The following SYT14 variants were observed in gnomAD, a reference collection of about 807,000 sequenced individuals.
SYT14 encodes synaptotagmin 14.
Under a neutral mutation model 74.2 loss-of-function variants are expected in SYT14, and 32 were observed. The ratio of observed to expected loss-of-function variants is 0.43; its 90% confidence interval spans 0.33 to 0.58. The LOEUF (loss-of-function observed/expected upper bound fraction) is 0.58. Ranked by LOEUF, SYT14 falls within the 20% of genes least tolerant of loss-of-function variation. The pLI, the probability that SYT14 is intolerant of heterozygous loss-of-function variation, is 0.05. For missense variants in SYT14, 791 were observed against 981.8 expected (o/e 0.81, Z 2.60); for synonymous variants, 298 against 337.7 (o/e 0.88, Z 1.29).
chr1:210,059,441 T>TAGAGAGAGAGAG (rs1175419124), intron 5 of SYT14, among the ~76,000 whole-genome samples: 34 of 93,060 alleles, frequency 3.7e-4, no homozygotes, highest in East Asian at 8.4e-4. Context: ...TATATATATA[T>TAGAGAGAGAGAG]ATATATATAT....
intron 5 of SYT14, among the ~76,000 whole-genome samples, chr1:210,078,110 A>G (rs1021276722): frequency 1.3e-4 from 20 of 152,016 alleles, no homozygotes; most frequent in Non-Finnish European, 2.5e-4. Flanking sequence ...AGAGATCGAG[A>G]CCATCCTGGC....
At chr1:210,040,162 A>T (rs2080756002) in intron 5 of SYT14, among the ~76,000 whole-genome samples, 1 of 152,226 alleles carries the variant, frequency 6.6e-6, no homozygotes, top group Non-Finnish European at 1.5e-5. Flanking sequence ...AATGTGGCAC[A>T]TATACACCAT....
At chr1:210,160,256 A>C (rs962143342) in intron 9 of SYT14, among the ~76,000 whole-genome samples, 6 of 151,636 alleles carry the variant, frequency 4.0e-5, no homozygotes, top group Admixed American at 3.9e-4. Flanking sequence ...TTTTCTCTTC[A>C]CCATTTGCCT....
At chr1:210,162,954 A>AGTT in exon 10 of SYT14, 1 of 452,172 alleles carries the variant, frequency 2.2e-6, no homozygotes, top group South Asian at 1.6e-5. Context: ...AACAAGTAAG[A>AGTT]GTTAGAACCT....
At chr1:209,970,751 G>A (rs974422483) in intron 2 of SYT14, among the ~76,000 whole-genome samples, 7 of 128,480 alleles carry the variant, frequency 5.4e-5, no homozygotes, top group Non-Finnish European at 7.7e-5. Context: ...GCACAGTCTC[G>A]GCTCACTGCA....
At chr1:210,128,162 C>T (rs780080406) in intron 7 of SYT14, among the ~76,000 whole-genome samples, 18 of 152,236 alleles carry the variant, frequency 1.2e-4, no homozygotes, top group Middle Eastern at 3.4e-3. Context: ...CGCTTGAGGT[C>T]AGAAGTTCGA....
intron 2 of SYT14, among the ~76,000 whole-genome samples, chr1:210,007,797 C>T (rs1261433576): frequency 1.3e-5 from 2 of 152,108 alleles, no homozygotes; most frequent in African/African-American, 4.8e-5. Context: ...CCAGGTTCTA[C>T]CACTTCATAG....
intron 2 of SYT14, among the ~76,000 whole-genome samples, chr1:209,957,706 C>T (rs1367788744): frequency 2.6e-5 from 4 of 151,908 alleles, no homozygotes; most frequent in Non-Finnish European, 4.4e-5. Context: ...GGATTACAGG[C>T]GTGAACCACC....
intron 4 of SYT14, among the ~76,000 whole-genome samples, chr1:210,019,131 C>CA (rs1215149823): frequency 0.13 from 7,483 of 56,158 alleles, 770 homozygotes; most frequent in Middle Eastern, 0.19. Flanking sequence ...TGAGACTCCT[C>CA]AAAAAAAAAA....
At chr1:210,135,764 C>T (rs2082772901) in intron 7 of SYT14, among the ~76,000 whole-genome samples, 1 of 152,116 alleles carries the variant, frequency 6.6e-6, no homozygotes, top group East Asian at 1.9e-4. Context: ...CATTTTGATC[C>T]TTTTGAGGCT....
At chr1:209,986,473 C>T (rs979131990) in intron 2 of SYT14, among the ~76,000 whole-genome samples, 5 of 151,844 alleles carry the variant, frequency 3.3e-5, no homozygotes, top group Non-Finnish European at 7.4e-5. Context: ...ATTAGCCGGG[C>T]GAGGTGGCGG....
Position 210,016,288 on chromosome 1 carries a change from TAGAG to T in SYT14, c.286_289del (p.Arg96GlnfsTer4). On this transcript the variant is annotated frameshift_variant, in exon 4 of 10. Coordinates refer to ENST00000637265, the Ensembl canonical transcript of SYT14. LOFTEE classifies it high-confidence loss of function. The stretch of plus-strand genomic sequence containing the variant: ...AGAAAACACAAGCCAATTTAGAGCA[TAGAG>T]CAAAGCAAATAAATACTTGTAAAAC... The T allele has an allele frequency of 8.1e-7, 1 of 1,232,100 alleles. No individual in the cohort carries two copies. Among genetic ancestry groups the T allele is most frequent in the Non-Finnish European group, 1.0e-6 (1 of 987,942 alleles). 76.3% of individuals were successfully genotyped at this position (1,232,100 alleles called of 1,614,324 possible). A position where few individuals can be genotyped will look rare whatever the true frequency, so the allele number is the denominator to read the frequency against.
intron 7 of SYT14, among the ~76,000 whole-genome samples, chr1:210,122,509 AT>A: frequency 6.6e-6 from 1 of 151,302 alleles, no homozygotes; most frequent in South Asian, 2.1e-4. Flanking sequence ...TTCCATTTAC[AT>A]TTCATTGTCT....
chr1:209,960,467 A>G (rs2079060049), intron 2 of SYT14, among the ~76,000 whole-genome samples: 1 of 152,218 alleles, frequency 6.6e-6, no homozygotes, highest in Admixed American at 6.5e-5. Flanking sequence ...ATTACCTTCC[A>G]TGTTTTTCCT....
chr1:209,956,282 C>CCAAA (rs58649262), intron 2 of SYT14, among the ~76,000 whole-genome samples: 99,498 of 151,564 alleles, frequency 0.66, 33,605 homozygotes, highest in East Asian at 0.85. Context: ...TGAACAAACC[C>CCAAA]CAAATAATGA....
intron 8 of SYT14, among the ~76,000 whole-genome samples, chr1:210,157,705 GCACT>G: frequency 6.6e-6 from 1 of 152,096 alleles, no homozygotes; most frequent in African/African-American, 2.4e-5. Context: ...TTGCGCCACT[GCACT>G]CCAGCCTGGT....
intron 7 of SYT14, among the ~76,000 whole-genome samples, chr1:210,101,238 G>A (rs996088248): frequency 2.0e-5 from 3 of 152,102 alleles, no homozygotes; most frequent in Non-Finnish European, 4.4e-5. Context: ...GTGATATGCT[G>A]TAAGTGTGCA....
intron 5 of SYT14, among the ~76,000 whole-genome samples, chr1:210,084,705 T>TA (rs749453409): frequency 1.2e-4 from 19 of 152,192 alleles, no homozygotes; most frequent in Non-Finnish European, 2.5e-4. Context: ...TCTGGATAAA[T>TA]ATAAAGGAAA....
rs540698694 is a variant in SYT14, at chr1:210,092,430, T to G, written c.1313-1892T>G. Among the ~76,000 whole-genome samples, 28 of 152,330 alleles carry G rather than the reference T, an allele frequency of 1.8e-4. No homozygotes were observed. The East Asian group carries it at 5.0e-3, about 27-fold the overall frequency. On this transcript the variant is annotated intron_variant, in intron 5 of 9. Coordinates refer to ENST00000637265, the Ensembl canonical transcript of SYT14. ...ACAAAAACTTTCCTGGAAGGTTCAC[T>G]CTGAAATCTGCTTAGATCTCATTGG...
Sources: gnomAD v4.1 joint callset for allele counts (sites outside exome capture counted in the v4.1 genomes callset) on GRCh38, gnomAD v4.1.1 for gene constraint, MANE v1.5 for transcripts, NCBI Gene and HGNC (gene_info 2026-07-23, HGNC 2026-07-21) for gene names.